The following YWHAE variants were observed in gnomAD, a reference collection of about 807,000 sequenced individuals.
The protein encoded by YWHAE is 14-3-3 protein epsilon.
A neutral mutation model predicts 30.1 loss-of-function variants in YWHAE; 4 were observed. The observed-to-expected ratio is 0.13, with a 90% CI of 0.07 to 0.30. The LOEUF (loss-of-function observed/expected upper bound fraction) is 0.30, where lower values mean the gene tolerates loss of function less well. YWHAE is among the 10% of genes least tolerant of loss of function. YWHAE has a pLI of 1.00. For missense variants in YWHAE, 121 were observed against 315.9 expected (o/e 0.38, Z 4.68); for synonymous variants, 118 against 111.8 (o/e 1.06, Z -0.35).
chr17:1,373,600 G>A (rs1020777878), intron 1 of YWHAE, among the ~76,000 whole-genome samples: 6 of 151,964 alleles, frequency 3.9e-5, no homozygotes, highest in East Asian at 1.9e-4. Flanking sequence ...CCCGGGAGGC[G>A]GAGCTTGTAG....
rs562561871 is a variant in YWHAE at position 1,370,383 on chromosome 17, G to A, written c.65-5325C>T. On this transcript the variant is annotated intron_variant, in intron 1 of 5. Transcript: ENST00000264335. Reference sequence around the variant, plus strand: ...CCTGACCTTGTGATCCGCCCGCCTTGGCCTCCCAAAGTGCTGGGATTACAG... The same window carrying A: ...CCTGACCTTGTGATCCGCCCGCCTTAGCCTCCCAAAGTGCTGGGATTACAG... 3.3e-5 allele frequency among the ~76,000 whole-genome samples: 5 copies of A among 151,668 alleles called. No homozygotes were observed. In the East Asian group the frequency reaches 5.9e-4, roughly 18 times the overall value.
chr17:1,356,221 T>C (rs1057317535), intron 4 of YWHAE, among the ~76,000 whole-genome samples: 6 of 112,260 alleles, frequency 5.3e-5, no homozygotes, highest in African/African-American at 1.4e-4. Context: ...CACACAAAAT[T>C]AGCCGGGCAT....
At chr17:1,364,823 T>G in intron 2 of YWHAE, 36 bp downstream of exon 2, 1 of 1,613,430 alleles carries the variant, frequency 6.2e-7, no homozygotes, top group South Asian at 1.1e-5. Flanking sequence ...TAACTCAAAC[T>G]GTGGATAAGG....
At chr17:1,370,164 G>A (rs892045481) in intron 1 of YWHAE, among the ~76,000 whole-genome samples, 1 of 114,462 alleles carries the variant, frequency 8.7e-6, no homozygotes, top group Non-Finnish European at 1.6e-5. Context: ...GTCTCGCTCT[G>A]TCACCAGGCT....
At chr17:1,373,430 C>T (rs926603880) in intron 1 of YWHAE, among the ~76,000 whole-genome samples, 6 of 152,054 alleles carry the variant, frequency 3.9e-5, no homozygotes, top group Middle Eastern at 3.4e-3. Context: ...CTTTGGGAGG[C>T]CAAGAAGGGT....
intron 1 of YWHAE, among the ~76,000 whole-genome samples, chr17:1,382,340 GC>G (rs1371662575): frequency 7.1e-6 from 1 of 140,266 alleles, no homozygotes; most frequent in Non-Finnish European, 1.5e-5. Context: ...GAGCCACCGC[GC>G]CCGGCCTTTT....
At chr17:1,377,787 G>A in intron 1 of YWHAE, among the ~76,000 whole-genome samples, 1 of 152,214 alleles carries the variant, frequency 6.6e-6, no homozygotes, top group Non-Finnish European at 1.5e-5. Flanking sequence ...AGTGGCTCAT[G>A]CCTGTAATCC....
At chr17:1,396,269 A>G (rs1330137944) in intron 1 of YWHAE, among the ~76,000 whole-genome samples, 1 of 150,932 alleles carries the variant, frequency 6.6e-6, no homozygotes, top group East Asian at 2.0e-4. Context: ...AAAAAGAAAT[A>G]CAAAATTAGC....
At chr17:1,396,952 C>CG (rs2073481809) in intron 1 of YWHAE, among the ~76,000 whole-genome samples, 1 of 145,818 alleles carries the variant, frequency 6.9e-6, no homozygotes, top group South Asian at 2.2e-4. Context: ...ACAAGAGTCT[C>CG]GCTCTGTTGC....
At chr17:1,397,416 G>T (rs1272587999) in intron 1 of YWHAE, among the ~76,000 whole-genome samples, 1 of 152,086 alleles carries the variant, frequency 6.6e-6, no homozygotes, top group African/African-American at 2.4e-5. Context: ...TCATTTTCCT[G>T]AACACAGGTT....
Position 1,364,964 on chromosome 17 carries a change from A to G in YWHAE, c.159T>C (p.Ile53=). The G allele has an allele frequency of 6.2e-7, 1 of 1,614,166 alleles. No homozygotes were observed. Among genetic ancestry groups the G allele is most frequent in the Non-Finnish European group, 8.5e-7 (1 of 1,180,016 alleles). The change falls in exon 2 of 6, where the codon ATT becomes ATC. Residue 53 remains isoleucine (I), a synonymous_variant. Coordinates refer to ENST00000264335, the MANE Select transcript of YWHAE (RefSeq NM_006761.5). ...TTCTCCAGGAGGCTCTTCTAGCTCC[A>G]ATCACATTCTTATATGCAACAGATA... ...NLLSVAYKNV[I]GARRASWRII...
In YWHAE at chr17:1,355,324, T is replaced by C. The variant is rs111468868; in HGVS notation, c.579-977A>G. Among the ~76,000 whole-genome samples, 1,002 of 150,114 alleles carry C rather than the reference T, an allele frequency of 6.7e-3. 16 individuals carry two copies. Among genetic ancestry groups the C allele is most frequent in the African/African-American group, 0.016 (665 of 40,890 alleles). On this transcript the variant is annotated intron_variant, in intron 4 of 5. Transcript: ENST00000264335. ...GGCGCCCGCCACCACACCCGGCTGATTTGTTTTTATATTTTTAGCAGAGGC... is the reference window on the plus strand; with the variant it reads ...GGCGCCCGCCACCACACCCGGCTGACTTGTTTTTATATTTTTAGCAGAGGC...
At chr17:1,359,915 CGGGGAGGGGGAGGGGGGGAGGAG>C (rs1206919029) in intron 4 of YWHAE, among the ~76,000 whole-genome samples, 490 of 16,558 alleles carry the variant, frequency 0.03, 11 homozygotes, top group African/African-American at 0.11. Context: ...GAGAGGGAGA[CGGGGAGGGGGAGGGGGGGAGGAG>C]GGGGAGGGGG....
rs560450732 is a variant in YWHAE, at chr17:1,347,086, G to C, written c.716-1587C>G. On this transcript the variant is annotated intron_variant, in intron 5 of 5. Coordinates refer to ENST00000264335, the MANE Select transcript of YWHAE (RefSeq NM_006761.5). Reference sequence around the variant, plus strand: ...CTCACGCCTGTAATACCAGCACTTTGGGAGGCCAAGAGAGGTGGATCATGA... The same window carrying C: ...CTCACGCCTGTAATACCAGCACTTTCGGAGGCCAAGAGAGGTGGATCATGA... Among the ~76,000 whole-genome samples, 9 of 150,774 alleles carry C rather than the reference G, an allele frequency of 6.0e-5. No individual in the cohort carries two copies. The South Asian group carries it at 1.5e-3, about 25-fold the overall frequency.
At chr17:1,358,126 G>T (rs925113549) in intron 4 of YWHAE, among the ~76,000 whole-genome samples, 1 of 151,604 alleles carries the variant, frequency 6.6e-6, no homozygotes, top group Non-Finnish European at 1.5e-5. Context: ...CAGTGGCTCA[G>T]GCCTGTATTC....
At chr17:1,391,271 G>T (rs2073386412) in intron 1 of YWHAE, among the ~76,000 whole-genome samples, 1 of 151,590 alleles carries the variant, frequency 6.6e-6, no homozygotes, top group Non-Finnish European at 1.5e-5. Flanking sequence ...CTTATATTCT[G>T]CCAAAGGCTA....
intron 1 of YWHAE, among the ~76,000 whole-genome samples, chr17:1,393,645 G>A (rs4286156): frequency 0.22 from 33,548 of 152,066 alleles, 4,130 homozygotes; most frequent in South Asian, 0.36. Context: ...TGGTCAGGAT[G>A]GTCTCAAACT....
intron 1 of YWHAE, among the ~76,000 whole-genome samples, chr17:1,396,596 T>C (rs767119833): frequency 5.3e-5 from 8 of 152,178 alleles, no homozygotes; most frequent in Non-Finnish European, 1.2e-4. Flanking sequence ...TAGTTTATGT[T>C]ACCCCTCTGC....
At chr17:1,394,436 CAAAA>C (rs544115909) in intron 1 of YWHAE, among the ~76,000 whole-genome samples, 5,306 of 58,692 alleles carry the variant, frequency 0.09, 96 homozygotes, top group African/African-American at 0.092. Context: ...CTCAAATCCA[CAAAA>C]AAAAAAAAAA....
Sources: gnomAD v4.1 joint callset for allele counts (sites outside exome capture counted in the v4.1 genomes callset) on GRCh38, gnomAD v4.1.1 for gene constraint, MANE v1.5 for transcripts, NCBI Gene and HGNC (gene_info 2026-07-23, HGNC 2026-07-21) for gene names.